The following ZNF343 variants were observed in gnomAD, a reference collection of about 807,000 sequenced individuals.
ZNF343 encodes zinc finger protein 343.
Under a neutral mutation model 13.8 loss-of-function variants are expected in ZNF343, and 11 were observed. That is an observed-to-expected ratio of 0.80 (90% CI 0.50 to 1.32). The LOEUF (loss-of-function observed/expected upper bound fraction) is 1.32, where lower values mean the gene tolerates loss of function less well. Among genes scored for constraint, ZNF343 ranks in the 40% most tolerant of loss-of-function variants. The pLI is 0.00. For missense variants in ZNF343, 658 were observed against 714.2 expected (o/e 0.92, Z 0.90); for synonymous variants, 248 against 260.0 (o/e 0.95, Z 0.44).
intron 5 of ZNF343, among the ~76,000 whole-genome samples, chr20:2,489,312 A>G (rs2085329860): frequency 6.6e-6 from 1 of 152,180 alleles, no homozygotes; most frequent in Non-Finnish European, 1.5e-5. Flanking sequence ...TTCCTCCTTG[A>G]CCTATCAGCC....
intron 2 of ZNF343, among the ~76,000 whole-genome samples, chr20:2,497,242 G>A (rs1430986243): frequency 9.2e-5 from 14 of 152,186 alleles, no homozygotes. Flanking sequence ...TACTGGAGGG[G>A]AAGGAAGAGG....
Position 2,508,091 on chromosome 20 carries a change from C to G in ZNF343, c.-237+790G>C, listed in dbSNP as rs1173470781. 6.6e-6 allele frequency among the ~76,000 whole-genome samples: 1 copy of G among 152,052 alleles called. No individual in the cohort carries two copies. Among genetic ancestry groups the G allele is most frequent in the Non-Finnish European group, 1.5e-5 (1 of 68,018 alleles). On this transcript the variant is annotated intron_variant, in intron 1 of 5. Coordinates refer to ENST00000278772, the MANE Select transcript of ZNF343 (RefSeq NM_024325.6). The surrounding 1 kb of genome is among the most constrained non-coding windows in gnomAD (Gnocchi z 4.5). The stretch of plus-strand genomic sequence containing the variant: ...TCCCACATGACACACCTTGAGACAA[C>G]AGGTCCCAGAGAAAAGACCTGCCCC...
rs750037506 is a variant in ZNF343 at position 2,483,082 on chromosome 20, G to A, written c.*79C>T. On this transcript the variant is annotated 3_prime_UTR_variant, in exon 6 of 6. Transcript: ENST00000278772. ...TGTGTACACAGGGTCTACTCCCCAT[G>A]TGTCTCTCTGGGGTAACATGAGGCT... 2 of 1,482,000 alleles carry A rather than the reference G, an allele frequency of 1.3e-6. No homozygotes were observed. Among genetic ancestry groups the A allele is most frequent in the Non-Finnish European group, 1.8e-6 (2 of 1,097,520 alleles). 91.8% of individuals were successfully genotyped at this position (1,482,000 alleles called of 1,614,324 possible).
chr20:2,496,511 G>A (rs73085346), intron 2 of ZNF343, among the ~76,000 whole-genome samples: 1,767 of 152,238 alleles, frequency 0.012, 17 homozygotes, highest in African/African-American at 0.026. Flanking sequence ...TGGAGCAGAG[G>A]AATAACAAGC....
At chr20:2,499,081 T>G (rs1470372802) in intron 2 of ZNF343, among the ~76,000 whole-genome samples, 2 of 151,800 alleles carry the variant, frequency 1.3e-5, no homozygotes, top group African/African-American at 4.8e-5. Context: ...CACTTCAGCC[T>G]CCCAAAGTGC....
rs2085252445 is a variant in ZNF343 at position 2,484,561 on chromosome 20, C to T, written c.400G>A (p.Gly134Ser). ...LSQHVLQIFL[G>S]LCAENHFHPG... ...TGGAAGTGATTTTCTGCACATAAGC[C>T]CAGGAAGATCTGAAGTACATGTTGA... The change falls in exon 6 of 6, where the codon GGC becomes AGC. Residue 134 changes from glycine to serine, a missense_variant. Coordinates refer to ENST00000278772, the MANE Select transcript of ZNF343 (RefSeq NM_024325.6). 2 of 1,614,146 alleles carry T rather than the reference C, an allele frequency of 1.2e-6. No individual in the cohort carries two copies. Among genetic ancestry groups the T allele is most frequent in the African/African-American group, 1.3e-5 (1 of 75,046 alleles).
At chr20:2,499,720 G>A (rs202027943) in intron 2 of ZNF343, among the ~76,000 whole-genome samples, 1 of 152,138 alleles carries the variant, frequency 6.6e-6, no homozygotes, top group Non-Finnish European at 1.5e-5. Context: ...AGAACAAGGA[G>A]GCAAGAAAGA....
At chr20:2,515,029 AAGAAGAAGGAAGGAAGG>A (rs1238286133) in intron 1 of ZNF343, among the ~76,000 whole-genome samples, 34 of 151,626 alleles carry the variant, frequency 2.2e-4, no homozygotes, top group Admixed American at 7.9e-4. Flanking sequence ...AAGAAGAAGA[AAGAAGAAGGAAGGAAGG>A]AGAAGAAGGA....
chr20:2,524,508 C>G (rs2085796327), exon 1 of ZNF343: 1 of 152,736 alleles, frequency 6.5e-6, no homozygotes, highest in Non-Finnish European at 1.5e-5. Context: ...CTGCCTGCCC[C>G]TGCCCCGAAT....
upstream of ZNF343, chr20:2,524,691 CT>C (rs1219934668): frequency 6.6e-6 from 1 of 152,402 alleles, no homozygotes; most frequent in Non-Finnish European, 1.5e-5. Context: ...ATCTGGAGGC[CT>C]TTCAGAAAGG....
intron 5 of ZNF343, among the ~76,000 whole-genome samples, chr20:2,492,382 G>C (rs1226893885): frequency 6.6e-6 from 1 of 151,942 alleles, no homozygotes; most frequent in Non-Finnish European, 1.5e-5. Context: ...CTTCTTCACT[G>C]ATTTCAAATA....
chr20:2,494,750 CAGG>C (rs2085429768), intron 2 of ZNF343, among the ~76,000 whole-genome samples: 1 of 146,368 alleles, frequency 6.8e-6, no homozygotes, highest in Non-Finnish European at 1.5e-5. Context: ...GCCTGGACGG[CAGG>C]AGTAAGACCC....
intron 1 of ZNF343, among the ~76,000 whole-genome samples, chr20:2,522,513 G>T (rs2085786958): frequency 6.6e-6 from 1 of 152,184 alleles, no homozygotes; most frequent in African/African-American, 2.4e-5. Flanking sequence ...AAGTCTTTCT[G>T]AGCCAGTTTG....
upstream of ZNF343, chr20:2,509,252 T>C (rs573897255): frequency 2.6e-5 from 4 of 152,276 alleles, no homozygotes; most frequent in African/African-American, 9.6e-5. Flanking sequence ...CAGGCGTGTG[T>C]TGGGTACAGA....
In ZNF343 at chr20:2,501,244, G is replaced by A. The variant is rs181951177; in HGVS notation, c.-236-502C>T. On this transcript the variant is annotated intron_variant, in intron 1 of 5. Transcript: ENST00000278772. The stretch of plus-strand genomic sequence containing the variant: ...GCAGTCTGAGATCAAACTGCAAGGC[G>A]GCAGCGAGGCTGGGGGAGGGGCACC... Among the ~76,000 whole-genome samples the A allele has an allele frequency of 2.9e-3, 446 of 152,252 alleles. 2 individuals are homozygous for A. In the East Asian group the frequency reaches 0.038, roughly 13 times the overall value.
chr20:2,513,333 A>C (rs6114707), upstream of ZNF343, among the ~76,000 whole-genome samples: 1 of 152,252 alleles, frequency 6.6e-6, no homozygotes, highest in Non-Finnish European at 1.5e-5. Flanking sequence ...AAATAACTGC[A>C]TACAAAACAG....
intron 2 of ZNF343, among the ~76,000 whole-genome samples, chr20:2,499,161 G>A (rs115209812): frequency 0.014 from 2,131 of 150,006 alleles, 58 homozygotes; most frequent in African/African-American, 0.049. Flanking sequence ...AGAGTTGGAG[G>A]TAGGTAATAA....
intron 2 of ZNF343, among the ~76,000 whole-genome samples, chr20:2,495,937 C>T (rs1314378768): frequency 6.6e-6 from 1 of 152,176 alleles, no homozygotes; most frequent in Non-Finnish European, 1.5e-5. Flanking sequence ...GCCTCGGCCT[C>T]CCAACGCGCT....
intron 1 of ZNF343, among the ~76,000 whole-genome samples, chr20:2,522,109 A>C (rs2085785136): frequency 6.6e-6 from 1 of 152,214 alleles, no homozygotes; most frequent in African/African-American, 2.4e-5. Context: ...TTTAATATCA[A>C]CTGTTACATA....
Sources: allele counts gnomAD v4.1 joint callset (sites outside exome capture counted in the v4.1 genomes callset), GRCh38; gene constraint gnomAD v4.1.1; non-coding constraint Gnocchi (gnomAD v3.1); transcripts MANE v1.5; gene names NCBI Gene and HGNC (gene_info 2026-07-23, HGNC 2026-07-21).